Variants in PGAM5 observed in about 807,000 individuals in gnomAD.
PGAM5 encodes the protein serine/threonine-protein phosphatase PGAM5, mitochondrial.
PGAM5 carries 25 observed loss-of-function variants against 30.6 expected under a neutral mutation model. That is an observed-to-expected ratio of 0.82 (90% confidence interval 0.60 to 1.14). The LOEUF is 1.14. PGAM5 is among the 50% of genes most tolerant of loss of function. PGAM5 has a pLI of 0.00. For synonymous variants in PGAM5, 201 were observed against 179.1 expected, an observed-to-expected ratio of 1.12 and a Z score of -0.98; for missense variants, 384 against 408.5, an observed-to-expected ratio of 0.94 and a Z score of 0.52.
chr12:132,719,439 G>T (rs2043621560), intron 5 of PGAM5, among the ~76,000 whole-genome samples: 1 of 152,218 alleles, frequency 6.6e-6, no homozygotes, highest in Non-Finnish European at 1.5e-5. Context: ...ACCAGATAGA[G>T]CTTTTCTGGG....
intron 5 of PGAM5, chr12:132,719,194 A>G: frequency 8.5e-7 from 1 of 1,173,182 alleles, no homozygotes; most frequent in Non-Finnish European, 1.1e-6. Context: ...ATCCATTAGG[A>G]AATGTGTGTG....
intron 5 of PGAM5, 105 bp downstream of exon 5, chr12:132,718,225 A>C: frequency 1.4e-6 from 2 of 1,457,486 alleles, no homozygotes; most frequent in Middle Eastern, 1.9e-4. Context: ...ATGCCACCCT[A>C]GTCAGGCCTC....
intron 1 of PGAM5, among the ~76,000 whole-genome samples, chr12:132,713,539 C>T (rs1269086440): frequency 6.6e-6 from 1 of 152,206 alleles, no homozygotes; most frequent in African/African-American, 2.4e-5. Context: ...TGACAGGCCC[C>T]CAGGTCGGCG....
At chr12:132,718,262 C>T (rs776847594) in intron 5 of PGAM5, 142 bp downstream of exon 5, 34 of 1,082,508 alleles carry the variant, frequency 3.1e-5, no homozygotes, top group Non-Finnish European at 3.1e-5. Flanking sequence ...CCACTTCCCG[C>T]GAGTCCTAGT....
intron 2 of PGAM5, 45 bp downstream of exon 2, chr12:132,715,081 G>A (rs1565998426): frequency 2.0e-6 from 3 of 1,491,204 alleles, no homozygotes; most frequent in Non-Finnish European, 2.7e-6. Flanking sequence ...GTGGTTATGT[G>A]GCCAGGTGCA....
At chr12:132,720,026 G>A (rs924399232) in intron 5 of PGAM5, among the ~76,000 whole-genome samples, 11 of 152,334 alleles carry the variant, frequency 7.2e-5, no homozygotes, top group South Asian at 2.1e-4. Context: ...GTTCTGATCT[G>A]TGCAAATCTT....
Position 132,710,968 on chromosome 12 carries a change from C to T in PGAM5, c.92C>T (p.Pro31Leu), listed in dbSNP as rs2043515902. 1 of 1,189,394 alleles carries T rather than the reference C, an allele frequency of 8.4e-7. No individual in the cohort carries two copies. The highest frequency in any genetic ancestry group is 1.0e-6 in the Non-Finnish European group (1 of 961,366). The allele number at this position is 1,189,394 out of a possible 1,614,324, so 73.7% of individuals were successfully genotyped here. ...VLFSAVAVGK[P>L]RAGGDAEPRP... ...TTCTCGGCCGTGGCGGTAGGGAAGC[C>T]GCGCGCAGGCGGGGACGCGGAGCCA... is the stretch of plus-strand genomic sequence containing the variant. Residue 31 changes from proline to leucine, a missense_variant, in exon 1 of 6, where the codon CCG becomes CTG. Pro to Leu is a moderately conservative substitution (Grantham distance 98). Transcript: ENST00000498926.
At chr12:132,711,396 G>T (rs992614465) in intron 1 of PGAM5, 1 of 191,060 alleles carries the variant, frequency 5.2e-6, no homozygotes, top group Non-Finnish European at 1.1e-5. Flanking sequence ...AGGGGCGTTT[G>T]CAGGAGCGCG....
intron 2 of PGAM5, among the ~76,000 whole-genome samples, chr12:132,715,992 C>T (rs984301746): frequency 1.1e-4 from 16 of 152,198 alleles, no homozygotes; most frequent in Non-Finnish European, 1.6e-4. Flanking sequence ...CCTTGGAAAG[C>T]GGCGTGGCTT....
rs767491482 is a variant in PGAM5 at position 132,717,765 on chromosome 12, C to T, written c.552C>T (p.Asp184=). The T allele has an allele frequency of 6.3e-6, 10 of 1,587,700 alleles. No individual in the cohort carries two copies. Among genetic ancestry groups the T allele is most frequent in the Non-Finnish European group, 2.6e-6 (3 of 1,167,296 alleles). ...GGGAAGGCGCCCCCATCGAGCCAGA[C>T]CCGCCCGTGTCTCATTGGAAGCCGG... is the stretch of plus-strand genomic sequence containing the variant. The part of the protein sequence containing the change: ...LLREGAPIEP[D]PPVSHWKPEA... The change falls in exon 4 of 6, where the codon GAC becomes GAT. Residue 184 remains aspartate (D), a synonymous_variant. Coordinates refer to ENST00000498926, the MANE Select transcript of PGAM5 (RefSeq NM_001170543.2).
rs1484567152 is a variant in PGAM5 at position 132,722,180 on chromosome 12, G to C, written c.*1352G>C. 1 of 151,994 alleles carries C rather than the reference G, an allele frequency of 6.6e-6. No individual in the cohort carries two copies. Among genetic ancestry groups the C allele is most frequent in the Non-Finnish European group, 1.5e-5 (1 of 68,008 alleles). 9.4% of individuals were successfully genotyped at this position (151,994 alleles called of 1,614,324 possible). On this transcript the variant is annotated 3_prime_UTR_variant, in exon 6 of 6. Coordinates refer to ENST00000498926, the MANE Select transcript of PGAM5 (RefSeq NM_001170543.2). ...TACCCTTATTGAGTAAAATACTTCAGATTGACAGCTCAATCTTAGTTTGCC... is the reference window on the plus strand; with the variant it reads ...TACCCTTATTGAGTAAAATACTTCACATTGACAGCTCAATCTTAGTTTGCC...
At chr12:132,717,939 G>A (rs371088571) in intron 4 of PGAM5, 48 bp from the exon 5 acceptor site, 57 of 1,608,788 alleles carry the variant, frequency 3.5e-5, no homozygotes, top group Middle Eastern at 1.7e-4. Context: ...CCTGACACCC[G>A]CCCTGCCCGA....
At position 132,715,002 on chromosome 12, in the gene PGAM5, C is replaced by T. The variant is rs781527247; in HGVS notation, c.336C>T (p.Gly112=). ...LIRHSQYHVD[G]SLEKDRTLTP... The stretch of plus-strand genomic sequence containing the variant: ...GGCATTCCCAGTACCACGTGGATGG[C>T]TCCCTGGAGAAGGACCGCACTCTGA... The change falls in exon 2 of 6, where the codon GGC becomes GGT. Residue 112 remains glycine, a synonymous_variant. Transcript: ENST00000498926. 1.2e-6 allele frequency: 2 copies of T among 1,613,128 alleles called. No homozygotes were observed. Among genetic ancestry groups the T allele is most frequent in the Non-Finnish European group, 1.7e-6 (2 of 1,179,892 alleles).
intron 5 of PGAM5, chr12:132,719,244 G>A (rs1452071987): frequency 3.5e-6 from 4 of 1,126,810 alleles, no homozygotes; most frequent in African/African-American, 1.6e-5. Context: ...AGTGTGACGA[G>A]TCCTGTGGTG....
At chr12:132,711,983 C>T (rs929401822) in intron 1 of PGAM5, among the ~76,000 whole-genome samples, 2 of 152,154 alleles carry the variant, frequency 1.3e-5, no homozygotes, top group African/African-American at 2.4e-5. Flanking sequence ...GGATGGTTTT[C>T]CCAGTCCTAA....
chr12:132,717,907 G>A (rs140183328), intron 4 of PGAM5, 80 bp from the exon 5 acceptor site: 18 of 1,599,498 alleles, frequency 1.1e-5, no homozygotes, highest in Middle Eastern at 1.7e-4. Flanking sequence ...GGGCTTCCCC[G>A]GGCGGCGATG....
intron 1 of PGAM5, among the ~76,000 whole-genome samples, chr12:132,711,866 T>G (rs1422599921): frequency 6.6e-6 from 1 of 152,242 alleles, no homozygotes; most frequent in Non-Finnish European, 1.5e-5. Flanking sequence ...GAATTAAAAG[T>G]ATGATCGAAA....
chr12:132,717,404 G>A (rs372071781), intron 2 of PGAM5, 35 bp from the exon 3 acceptor site: 1 of 1,598,532 alleles, frequency 6.3e-7, no homozygotes, highest in African/African-American at 1.3e-5. Flanking sequence ...AGGAGGGGGT[G>A]CAGGTGCGGC....
At chr12:132,716,918 A>C (rs986498859) in intron 2 of PGAM5, among the ~76,000 whole-genome samples, 3 of 152,198 alleles carry the variant, frequency 2.0e-5, no homozygotes, top group African/African-American at 7.2e-5. Flanking sequence ...GGCCTTCCTG[A>C]GGCGTTTTCA....
Sources: gnomAD v4.1 joint callset for allele counts (sites outside exome capture counted in the v4.1 genomes callset) on GRCh38, gnomAD v4.1.1 for gene constraint, MANE v1.5 for transcripts, NCBI Gene and HGNC (gene_info 2026-07-23, HGNC 2026-07-21) for gene names.